CHIC2: variants seen among roughly 807,000 people sequenced by gnomAD.
The protein encoded by CHIC2 is cysteine rich hydrophobic domain 2.
A neutral mutation model predicts 25.9 loss-of-function variants in CHIC2; 14 were observed. That is an observed-to-expected ratio of 0.54 (90% confidence interval 0.36 to 0.85). The LOEUF (loss-of-function observed/expected upper bound fraction) is 0.85. CHIC2 is among the 40% of genes least tolerant of loss of function. The pLI, the probability that CHIC2 is intolerant of heterozygous loss-of-function variation, is 0.01. For missense variants in CHIC2, 146 were observed against 202.0 expected, an observed-to-expected ratio of 0.72 and a Z score of 1.68; for synonymous variants, 70 against 72.0, an observed-to-expected ratio of 0.97 and a Z score of 0.14.
chr4:54,072,170 G>T, the CHIC2 span, among the ~76,000 whole-genome samples: 1 of 151,966 alleles, frequency 6.6e-6, no homozygotes, highest in African/African-American at 2.4e-5. Flanking sequence ...GCGCGTGGTG[G>T]TGAGCACCTA....
rs141945078 is a variant in CHIC2 at position 54,036,138 on chromosome 4, G to C, written c.330+12817C>G. Among the ~76,000 whole-genome samples, 640 of 152,274 alleles carry C rather than the reference G, an allele frequency of 4.2e-3. 5 individuals are homozygous for C. The highest frequency in any genetic ancestry group is 0.014 in the African/African-American group (586 of 41,558). On this transcript the variant is annotated intron_variant, in intron 3 of 5. Transcript: ENST00000263921. ...TGAATAAGAACTATCTCAGTGATCT[G>C]TATGTACTTGAAAAGAATGTGTATT... is the stretch of plus-strand genomic sequence containing the variant.
intron 3 of CHIC2, among the ~76,000 whole-genome samples, chr4:54,030,736 C>T (rs1177709722): frequency 6.8e-6 from 1 of 146,146 alleles, no homozygotes; most frequent in African/African-American, 2.5e-5. Context: ...GGCACGATCT[C>T]GGCTCACTGT....
chr4:54,063,226 TGAA>T, intron 1 of CHIC2, among the ~76,000 whole-genome samples: 1 of 152,268 alleles, frequency 6.6e-6, no homozygotes, highest in Middle Eastern at 3.4e-3. Flanking sequence ...ACTGAAAAGG[TGAA>T]GAAGTACAGA....
chr4:54,074,022 G>A, the CHIC2 span, among the ~76,000 whole-genome samples: 3 of 152,046 alleles, frequency 2.0e-5, no homozygotes, highest in Non-Finnish European at 2.9e-5. Context: ...GCCGGGCATG[G>A]TGGTGCACAC....
chr4:54,013,495 TA>T (rs1715649601), intron 5 of CHIC2, among the ~76,000 whole-genome samples: 1 of 152,116 alleles, frequency 6.6e-6, no homozygotes, highest in Admixed American at 6.6e-5. Flanking sequence ...TAGCATTATA[TA>T]AAAAAGCCAT....
At chr4:54,016,531 AAAAC>A (rs1333279327) in intron 3 of CHIC2, among the ~76,000 whole-genome samples, 16 of 152,292 alleles carry the variant, frequency 1.1e-4, no homozygotes, top group South Asian at 4.1e-4. Flanking sequence ...TAAGAATTAT[AAAAC>A]AAACAAGCCC....
chr4:54,079,514 G>A, the CHIC2 span, among the ~76,000 whole-genome samples: 2 of 152,038 alleles, frequency 1.3e-5, no homozygotes, highest in East Asian at 1.9e-4. Context: ...TAGAAACCAC[G>A]TATCAGAGAA....
At chr4:54,067,227 G>A (rs551825172), upstream of CHIC2, among the ~76,000 whole-genome samples, 9 of 152,098 alleles carry the variant, frequency 5.9e-5, no homozygotes, top group East Asian at 7.7e-4. Context: ...TAACTCCCAC[G>A]GCCTGGGTAT....
At chr4:54,073,279 C>T in the CHIC2 span, among the ~76,000 whole-genome samples, 3 of 152,150 alleles carry the variant, frequency 2.0e-5, no homozygotes, top group Non-Finnish European at 4.4e-5. Flanking sequence ...ATTGTGATAG[C>T]CAGCCTTCAG....
intron 3 of CHIC2, among the ~76,000 whole-genome samples, chr4:54,015,204 T>C (rs1560380621): frequency 2.0e-5 from 3 of 152,294 alleles, no homozygotes; most frequent in African/African-American, 7.2e-5. Context: ...AATTCATAAC[T>C]ACCAATGAAT....
At chr4:54,089,029 C>T in the CHIC2 span, among the ~76,000 whole-genome samples, 1 of 152,142 alleles carries the variant, frequency 6.6e-6, no homozygotes, top group Non-Finnish European at 1.5e-5. Flanking sequence ...AGGGCATCTT[C>T]CTGCAAGTGT....
At chr4:54,014,909 C>T (rs1194774571) in intron 3 of CHIC2, among the ~76,000 whole-genome samples, 4 of 152,088 alleles carry the variant, frequency 2.6e-5, no homozygotes, top group Non-Finnish European at 5.9e-5. Context: ...CCAGGATCAA[C>T]TTGCAACTTG....
At chr4:54,087,895 G>C in the CHIC2 span, 1 of 238,908 alleles carries the variant, frequency 4.2e-6, no homozygotes, top group East Asian at 9.1e-5. Context: ...TGTAAAACAG[G>C]GCTTATGTTT....
chr4:54,012,794 T>C (rs892079505), intron 5 of CHIC2, among the ~76,000 whole-genome samples: 2 of 152,140 alleles, frequency 1.3e-5, no homozygotes, highest in South Asian at 4.1e-4. Flanking sequence ...ATTTGGTTCA[T>C]TGAATAAAGC....
At position 54,023,875 on chromosome 4, in the gene CHIC2, C is replaced by T. The variant is rs1715979588; in HGVS notation, c.331-9756G>A. 2.6e-5 allele frequency among the ~76,000 whole-genome samples: 4 copies of T among 152,196 alleles called. No individual in the cohort carries two copies. In the South Asian group the frequency reaches 8.3e-4, roughly 31 times the overall value. On this transcript the variant is annotated intron_variant, in intron 3 of 5. Coordinates refer to ENST00000263921, the MANE Select transcript of CHIC2 (RefSeq NM_012110.4). Reference sequence around the variant, plus strand: ...ATATGGGCTGAAAGAGGTTTCCTCACCGTGCAAGGGTCCTCCATCATTAAT... The same window carrying T: ...ATATGGGCTGAAAGAGGTTTCCTCATCGTGCAAGGGTCCTCCATCATTAAT...
chr4:54,086,797 A>T, the CHIC2 span: 1 of 321,302 alleles, frequency 3.1e-6, no homozygotes, highest in South Asian at 4.5e-5. Flanking sequence ...CTCTGATTAC[A>T]GAATCTTGGA....
In CHIC2 at chr4:54,035,781, T is replaced by C. The variant is rs1716365619; in HGVS notation, c.330+13174A>G. Among the ~76,000 whole-genome samples, 3 of 152,218 alleles carry C rather than the reference T, an allele frequency of 2.0e-5. No individual in the cohort carries two copies. The South Asian group carries it at 6.2e-4, about 31-fold the overall frequency. ...AATTTGCTCTTGTTTTTCTAATTTC[T>C]TAAGATGAAAACAGAGGTCATGGAT... On this transcript the variant is annotated intron_variant, in intron 3 of 5. Coordinates refer to ENST00000263921, the MANE Select transcript of CHIC2 (RefSeq NM_012110.4).
chr4:54,045,566 A>G (rs1347759957), intron 3 of CHIC2, among the ~76,000 whole-genome samples: 4 of 152,144 alleles, frequency 2.6e-5, no homozygotes, highest in Non-Finnish European at 5.9e-5. Flanking sequence ...TTATCTCAAT[A>G]GATGCAGAAA....
chr4:54,021,265 T>C (rs745578069), intron 3 of CHIC2, among the ~76,000 whole-genome samples: 2 of 152,136 alleles, frequency 1.3e-5, no homozygotes, highest in Non-Finnish European at 1.5e-5. Flanking sequence ...AATGGGCAAA[T>C]GGTCTGAGGT....
Sources: allele counts gnomAD v4.1 joint callset (sites outside exome capture counted in the v4.1 genomes callset), GRCh38; gene constraint gnomAD v4.1.1; transcripts MANE v1.5; gene names NCBI Gene and HGNC (gene_info 2026-07-23, HGNC 2026-07-21).